Variants in EPB41L5 observed in about 807,000 individuals in gnomAD.
EPB41L5 encodes the protein erythrocyte membrane protein band 4.1 like 5.
In EPB41L5, 55 loss-of-function variants were observed where a neutral mutation model predicts 106.6. The ratio of observed to expected loss-of-function variants is 0.52; its 90% confidence interval spans 0.42 to 0.65. The LOEUF (loss-of-function observed/expected upper bound fraction) is 0.65. EPB41L5 is among the 30% of genes least tolerant of loss of function. The pLI is 0.00. For missense variants in EPB41L5, 871 were observed against 882.1 expected (o/e 0.99, Z 0.16); for synonymous variants, 297 against 306.7 (o/e 0.97, Z 0.33).
chr2:120,104,048 C>A, intron 16 of EPB41L5: 1 of 1,525,000 alleles, frequency 6.6e-7, no homozygotes, highest in South Asian at 1.2e-5. Context: ...CTCCCACTCC[C>A]CAACCATCCA....
chr2:120,031,324 G>GT (rs1222316415), intron 2 of EPB41L5, among the ~76,000 whole-genome samples: 1 of 152,212 alleles, frequency 6.6e-6, no homozygotes, highest in Non-Finnish European at 1.5e-5. Flanking sequence ...TGTCTAGGCA[G>GT]TGGGCAAGGT....
chr2:120,042,998 TGTGTGTGTGTGTGTG>T (rs1679503982), intron 3 of EPB41L5, among the ~76,000 whole-genome samples: 41 of 127,614 alleles, frequency 3.2e-4, no homozygotes, highest in African/African-American at 6.7e-4. Flanking sequence ...TCTGGAAATG[TGTGTGTGTGTGTGTG>T]TGTGTGTGTG....
At chr2:120,034,670 A>AAAAAC (rs1197459335) in intron 2 of EPB41L5, among the ~76,000 whole-genome samples, 8 of 151,976 alleles carry the variant, frequency 5.3e-5, no homozygotes, top group South Asian at 2.1e-4. Flanking sequence ...AAAACCCTGT[A>AAAAAC]AAAACAAAAC....
In EPB41L5 at chr2:120,053,752, A is replaced by G. The variant is rs560913959; in HGVS notation, c.285+11642A>G. On this transcript the variant is annotated intron_variant, in intron 3 of 24. Transcript: ENST00000263713. ...ATTGATGGACATTTGGAGTATTTCT[A>G]CTATTTGGCTGTTATGAATAATGCT... Among the ~76,000 whole-genome samples, 94 of 152,258 alleles carry G rather than the reference A, an allele frequency of 6.2e-4. No homozygotes were observed. The South Asian group carries it at 0.017, about 28-fold the overall frequency.
chr2:120,056,957 C>T (rs116450742), intron 3 of EPB41L5, among the ~76,000 whole-genome samples: 1,835 of 152,176 alleles, frequency 0.012, 38 homozygotes, highest in African/African-American at 0.041. Context: ...AGTGTAGTGA[C>T]GCCATCACAG....
intron 20 of EPB41L5, among the ~76,000 whole-genome samples, chr2:120,154,930 CAA>C (rs200194019): frequency 6.8e-6 from 1 of 147,222 alleles, no homozygotes; most frequent in Non-Finnish European, 1.5e-5. Context: ...CATATCAAAA[CAA>C]AAAAAAAATT....
intron 21 of EPB41L5, among the ~76,000 whole-genome samples, chr2:120,161,408 G>A (rs1315996037): frequency 6.6e-6 from 1 of 150,950 alleles, no homozygotes; most frequent in Non-Finnish European, 1.5e-5. Flanking sequence ...TAAAAGCATT[G>A]AGCCACAGTT....
At chr2:120,139,800 A>G (rs1261043883) in intron 18 of EPB41L5, among the ~76,000 whole-genome samples, 1 of 152,054 alleles carries the variant, frequency 6.6e-6, no homozygotes, top group Non-Finnish European at 1.5e-5. Context: ...ATGATCCAGC[A>G]ATCCTACTGC....
intron 16 of EPB41L5, among the ~76,000 whole-genome samples, chr2:120,113,161 A>G (rs983332292): frequency 6.6e-6 from 1 of 152,246 alleles, no homozygotes; most frequent in Admixed American, 6.5e-5. Context: ...AGAGGATATC[A>G]GTGACACTGT....
chr2:120,063,358 A>AG (rs1440187999), intron 3 of EPB41L5, among the ~76,000 whole-genome samples: 2 of 151,772 alleles, frequency 1.3e-5, no homozygotes, highest in African/African-American at 4.8e-5. Flanking sequence ...AAAAAAAAAA[A>AG]AAGTGAATTA....
Position 120,175,194 on chromosome 2 carries a change from C to T in EPB41L5, c.*287C>T. ...GAATTTCTTTTTCTGGGGTTTCCTT[C>T]AAACTCTTGGCTCCACCTAGCGGTT... On this transcript the variant is annotated 3_prime_UTR_variant, in exon 25 of 25. Coordinates refer to ENST00000263713, the MANE Select transcript of EPB41L5 (RefSeq NM_020909.4). 2.6e-6 allele frequency: 1 copy of T among 385,146 alleles called. No homozygotes were observed. The highest frequency in any genetic ancestry group is 3.1e-5 in the South Asian group (1 of 32,682). 23.9% of individuals were successfully genotyped at this position (385,146 alleles called of 1,614,324 possible). A position where few individuals can be genotyped will look rare whatever the true frequency, so the allele number is the denominator to read the frequency against.
At chr2:120,095,759 C>G (rs555790403) in intron 14 of EPB41L5, among the ~76,000 whole-genome samples, 1 of 151,436 alleles carries the variant, frequency 6.6e-6, no homozygotes, top group South Asian at 2.1e-4. Context: ...ACCTCCGCCT[C>G]CCAGGTTCAA....
At chr2:120,039,900 A>G (rs1679294106) in intron 2 of EPB41L5, among the ~76,000 whole-genome samples, 1 of 151,876 alleles carries the variant, frequency 6.6e-6, no homozygotes, top group Admixed American at 6.6e-5. Flanking sequence ...GAAGTGGGGT[A>G]TCTGACTTAC....
chr2:120,162,313 A>G (rs1306910847), intron 21 of EPB41L5, among the ~76,000 whole-genome samples: 2 of 152,228 alleles, frequency 1.3e-5, no homozygotes, highest in Non-Finnish European at 2.9e-5. Flanking sequence ...TTTATTGCCA[A>G]TGAATGTTTT....
chr2:120,061,887 G>A (rs1459454738), intron 3 of EPB41L5, among the ~76,000 whole-genome samples: 1 of 152,080 alleles, frequency 6.6e-6, no homozygotes, highest in Non-Finnish European at 1.5e-5. Flanking sequence ...AAACTTCCTT[G>A]GTTCTTGATG....
chr2:120,122,290 A>G (rs980646751), intron 16 of EPB41L5, among the ~76,000 whole-genome samples: 25 of 152,080 alleles, frequency 1.6e-4, no homozygotes, highest in Non-Finnish European at 3.1e-4. Flanking sequence ...GTTTTCTTCT[A>G]TGGTTTTTAT....
At chr2:120,030,068 G>A (rs1678599746) in intron 2 of EPB41L5, among the ~76,000 whole-genome samples, 1 of 152,214 alleles carries the variant, frequency 6.6e-6, no homozygotes, top group African/African-American at 2.4e-5. Flanking sequence ...ACCTAATTAA[G>A]TCCATCTTGC....
chr2:120,044,752 A>G (rs1241865610), intron 3 of EPB41L5, among the ~76,000 whole-genome samples: 1 of 152,190 alleles, frequency 6.6e-6, no homozygotes, highest in African/African-American at 2.4e-5. Flanking sequence ...TGGTAAAGCC[A>G]GGATTAGAAT....
In EPB41L5 at chr2:120,175,062, T is replaced by G; in HGVS notation, c.*155T>G. The G allele has an allele frequency of 2.8e-6, 2 of 707,904 alleles. No individual in the cohort carries two copies. The highest frequency in any genetic ancestry group is 5.1e-6 in the Non-Finnish European group (2 of 395,870). 43.9% of individuals were successfully genotyped at this position (707,904 alleles called of 1,614,324 possible). A position where few individuals can be genotyped will look rare whatever the true frequency, so the allele number is the denominator to read the frequency against. On this transcript the variant is annotated 3_prime_UTR_variant, in exon 25 of 25. Coordinates refer to ENST00000263713, the MANE Select transcript of EPB41L5 (RefSeq NM_020909.4). ...CTCCGTAAAAAAGACAGCTGTATTTTCCGTCCAACTGGAATTGTTGAATCA... is the reference window on the plus strand; with the variant it reads ...CTCCGTAAAAAAGACAGCTGTATTTGCCGTCCAACTGGAATTGTTGAATCA...
Sources: allele counts gnomAD v4.1 joint callset (sites outside exome capture counted in the v4.1 genomes callset), GRCh38; gene constraint gnomAD v4.1.1; transcripts MANE v1.5; gene names NCBI Gene and HGNC (gene_info 2026-07-23, HGNC 2026-07-21).